Variants in MROH1 observed in about 807,000 individuals in gnomAD.
MROH1 encodes maestro heat like repeat family member 1.
Under a neutral mutation model 116.5 loss-of-function variants are expected in MROH1, and 117 were observed. That is an observed-to-expected ratio of 1.00 (90% CI 0.86 to 1.17). The LOEUF is 1.17. MROH1 is among the 50% of genes most tolerant of loss of function. The pLI is 0.00. For synonymous variants in MROH1, 921 were observed against 583.9 expected (o/e 1.58, Z -8.32); for missense variants, 1,873 against 1,338.5 (o/e 1.40, Z -6.23).
intron 12 of MROH1, among the ~76,000 whole-genome samples, chr8:144,219,897 C>T (rs904112292): frequency 2.0e-5 from 3 of 152,178 alleles, no homozygotes; most frequent in East Asian, 1.9e-4. Flanking sequence ...GTGTCTAGCT[C>T]TGCCATTTGC....
chr8:144,236,531 G>A (rs1052826744), intron 14 of MROH1, among the ~76,000 whole-genome samples: 19 of 151,880 alleles, frequency 1.3e-4, no homozygotes, highest in Admixed American at 7.2e-4. Flanking sequence ...ACTTGAAGTC[G>A]GGAGTTCAAG....
At chr8:144,235,706 G>A (rs1032020691) in intron 14 of MROH1, among the ~76,000 whole-genome samples, 5 of 152,212 alleles carry the variant, frequency 3.3e-5, no homozygotes, top group Non-Finnish European at 2.9e-5. Flanking sequence ...GTGTATAATC[G>A]TTTTTATACA....
intron 3 of MROH1, among the ~76,000 whole-genome samples, chr8:144,167,207 ATGTGGGGTGGAGTGGCCGGT>A (rs1564376233): frequency 2.6e-4 from 17 of 65,012 alleles, no homozygotes; most frequent in South Asian, 5.9e-4. Context: ...GAGTGGCCAG[ATGTGGGGTGGAGTGGCCGGT>A]TGTGGGGTGG....
Position 144,200,437 on chromosome 8 carries a change from C to T in MROH1, c.1037C>T (p.Ser346Leu), listed in dbSNP as rs772321319. 8 of 1,549,180 alleles carry T rather than the reference C, an allele frequency of 5.2e-6. No individual in the cohort carries two copies. The highest frequency in any genetic ancestry group is 3.9e-5 in the Admixed American group (2 of 50,946). Residue 346 changes from serine (S) to leucine (L), a missense_variant, in exon 12 of 44, where the codon TCG becomes TTG. Coordinates refer to ENST00000326134, the MANE Select transcript of MROH1 (RefSeq NM_032450.3). Reference sequence around the variant, plus strand: ...ACCCGTTGCCCTGTAGCCTGCAGCTCGCCTGACCGCCTACTGGCCTTCCTG... The same window carrying T: ...ACCCGTTGCCCTGTAGCCTGCAGCTTGCCTGACCGCCTACTGGCCTTCCTG... ...LRCFTVLACS[S>L]PDRLLAFLLP...
Position 144,244,413 on chromosome 8 carries a change from G to T in MROH1, c.2671-31G>T, listed in dbSNP as rs1361129619. The stretch of plus-strand genomic sequence containing the variant: ...GCCACTGTAGGCTGCGGGGTCACTG[G>T]TGGGGCTGGACGGCCTGGCTCTCCT... On this transcript the variant is annotated intron_variant, in intron 27 of 43. Coordinates refer to ENST00000326134, the MANE Select transcript of MROH1 (RefSeq NM_032450.3). 7 of 733,788 alleles carry T rather than the reference G, an allele frequency of 9.5e-6. No homozygotes were observed. In the African/African-American group the frequency reaches 1.0e-4, roughly 11 times the overall value. The allele number at this position is 733,788 out of a possible 1,614,324, so 45.5% of individuals were successfully genotyped here.
chr8:144,161,029 G>C lies in MROH1; in HGVS notation c.-117G>C, dbSNP rs1440274526. 6.5e-6 allele frequency: 1 copy of C among 152,756 alleles called. No individual in the cohort carries two copies. Among genetic ancestry groups the C allele is most frequent in the Admixed American group, 6.5e-5 (1 of 15,274 alleles). 9.5% of individuals were successfully genotyped at this position (152,756 alleles called of 1,614,324 possible). A position where few individuals can be genotyped will look rare whatever the true frequency, so the allele number is the denominator to read the frequency against. ...TGAGGGCCATTCGCAGCTTCTCCAG[G>C]CCACCTGCATTCCTTGTCTCAGAGC... On this transcript the variant is annotated 5_prime_UTR_variant, in exon 2 of 44. Transcript: ENST00000326134.
intron 14 of MROH1, among the ~76,000 whole-genome samples, chr8:144,231,002 T>C (rs567694205): frequency 8.0e-4 from 112 of 139,506 alleles, no homozygotes; most frequent in Middle Eastern, 7.0e-3. Flanking sequence ...TAGGGAGTGG[T>C]GATGACTCTT....
Position 144,180,359 on chromosome 8 carries a change from G to A in MROH1, c.463+19G>A. The A allele has an allele frequency of 1.2e-6, 2 of 1,607,994 alleles. No individual in the cohort carries two copies. Among genetic ancestry groups the A allele is most frequent in the African/African-American group, 1.3e-5 (1 of 75,018 alleles). On this transcript the variant is annotated intron_variant, in intron 6 of 43. Coordinates refer to ENST00000326134, the MANE Select transcript of MROH1 (RefSeq NM_032450.3). The surrounding 1 kb of genome is among the most constrained non-coding windows in gnomAD (Gnocchi z 7.4). ...GCCAACGGTAGGTGACGCGCGGCCT[G>A]CCCCAGGAGGAGCACGGGGCGCTGG...
At chr8:144,253,246 G>A (rs1843143148) in intron 33 of MROH1, among the ~76,000 whole-genome samples, 1 of 152,174 alleles carries the variant, frequency 6.6e-6, no homozygotes, top group Non-Finnish European at 1.5e-5. Context: ...GTCAGAAAAA[G>A]ACAAAAAGAA....
At chr8:144,206,448 G>A (rs1832828840) in intron 12 of MROH1, among the ~76,000 whole-genome samples, 1 of 147,718 alleles carries the variant, frequency 6.8e-6, no homozygotes, top group Non-Finnish European at 1.5e-5. Context: ...TTGAGACATA[G>A]TTTCGCTCTT....
intron 10 of MROH1, 194 bp downstream of exon 10, chr8:144,192,595 A>C: frequency 1.4e-6 from 1 of 703,606 alleles, no homozygotes; most frequent in Non-Finnish European, 2.6e-6. Context: ...CAGTAGTGGC[A>C]CATGCAGGTG....
chr8:144,179,644 C>T, intron 5 of MROH1, 58 bp downstream of exon 5: 2 of 1,551,718 alleles, frequency 1.3e-6, no homozygotes, highest in Non-Finnish European at 1.7e-6. Flanking sequence ...AGGGAAGCTG[C>T]TTCTTGGCCT....
chr8:144,185,014 C>T lies in MROH1; in HGVS notation c.562+4491C>T, dbSNP rs150747888. Among the ~76,000 whole-genome samples, 310 of 152,302 alleles carry T rather than the reference C, an allele frequency of 2.0e-3. 1 individual carries two copies. The highest frequency in any genetic ancestry group is 7.1e-3 in the African/African-American group (295 of 41,548). Reference sequence around the variant, plus strand: ...GTGACAGGTGTGCAGGGGATCCCCGCGCCAGCAAGAAAGGAGCTGAGGAGG... The same window carrying T: ...GTGACAGGTGTGCAGGGGATCCCCGTGCCAGCAAGAAAGGAGCTGAGGAGG... On this transcript the variant is annotated intron_variant, in intron 7 of 43. Coordinates refer to ENST00000326134, the MANE Select transcript of MROH1 (RefSeq NM_032450.3).
chr8:144,158,656 A>T (rs1433891962), intron 1 of MROH1, among the ~76,000 whole-genome samples: 1 of 151,832 alleles, frequency 6.6e-6, no homozygotes, highest in East Asian at 1.9e-4. Flanking sequence ...ACTCCTGGGG[A>T]TTTCTCAGAT....
At chr8:144,203,476 C>T (rs1320417550) in intron 12 of MROH1, among the ~76,000 whole-genome samples, 1 of 149,820 alleles carries the variant, frequency 6.7e-6, no homozygotes, top group East Asian at 2.0e-4. Flanking sequence ...GGGAGGGAAG[C>T]GCAGGCTATC....
intron 14 of MROH1, 113 bp downstream of exon 14, chr8:144,223,343 C>G (rs974138724): frequency 7.3e-7 from 1 of 1,375,526 alleles, no homozygotes; most frequent in Non-Finnish European, 9.8e-7. Context: ...GGGCTGCAGT[C>G]TGCGTGCGGA....
At chr8:144,230,157 TAACCCTCATGAACC>T (rs1448913475) in intron 14 of MROH1, among the ~76,000 whole-genome samples, 1 of 152,222 alleles carries the variant, frequency 6.6e-6, no homozygotes, top group East Asian at 1.9e-4. Flanking sequence ...CTTCTTTCCT[TAACCCTCATGAACC>T]AACCTCTGCC....
chr8:144,255,773 T>C, intron 35 of MROH1, 68 bp downstream of exon 35: 1 of 696,108 alleles, frequency 1.4e-6, no homozygotes, highest in Admixed American at 2.0e-5. Context: ...TGCACGCGCG[T>C]GGTGGGGGCG....
intron 21 of MROH1, 46 bp from the exon 22 acceptor site, chr8:144,241,329 ACAGTGTGCGTGCATGTGTGG>A: frequency 1.4e-6 from 1 of 721,932 alleles, no homozygotes; most frequent in Non-Finnish European, 2.6e-6. Context: ...TCCACACGTG[ACAGTGTGCGTGCATGTGTGG>A]CAGTGCGTGC....
Sources: gnomAD v4.1 joint callset for allele counts (sites outside exome capture counted in the v4.1 genomes callset) on GRCh38, gnomAD v4.1.1 for gene constraint, Gnocchi (gnomAD v3.1) non-coding constraint, MANE v1.5 for transcripts, NCBI Gene and HGNC (gene_info 2026-07-23, HGNC 2026-07-21) for gene names.